Variants in SLC9A9 observed in about 807,000 individuals in gnomAD.
SLC9A9 encodes the protein solute carrier family 9 member A9, also known as sodium/hydrogen exchanger 9.
A neutral mutation model predicts 77.8 loss-of-function variants in SLC9A9; 62 were observed. That is an observed-to-expected ratio of 0.80 (90% confidence interval 0.65 to 0.98). SLC9A9 has a LOEUF of 0.98. Ranked by LOEUF, SLC9A9 falls within the 50% of genes least tolerant of loss-of-function variation. SLC9A9 has a pLI of 0.00. For missense variants in SLC9A9, 775 were observed against 774.9 expected, an observed-to-expected ratio of 1.00 and a Z score of 0.00; for synonymous variants, 320 against 283.5, an observed-to-expected ratio of 1.13 and a Z score of -1.29.
chr3:143,821,239 A>AG (rs1339621889), intron 2 of SLC9A9, among the ~76,000 whole-genome samples: 1 of 152,258 alleles, frequency 6.6e-6, no homozygotes, highest in Non-Finnish European at 1.5e-5. Context: ...TCTTACTCCA[A>AG]GGGGAAATCC....
chr3:143,603,949 A>G (rs1368346086), intron 6 of SLC9A9, among the ~76,000 whole-genome samples: 4 of 152,250 alleles, frequency 2.6e-5, no homozygotes, highest in Non-Finnish European at 4.4e-5. Flanking sequence ...TTGTAAGACT[A>G]TAATCAAGAA....
At chr3:143,669,539 T>C (rs1442861867) in intron 5 of SLC9A9, among the ~76,000 whole-genome samples, 1 of 152,214 alleles carries the variant, frequency 6.6e-6, no homozygotes, top group Non-Finnish European at 1.5e-5. Context: ...AGCATTTATA[T>C]AGTTGGTTGT....
intron 4 of SLC9A9, among the ~76,000 whole-genome samples, chr3:143,721,853 T>G (rs1246531544): frequency 1.3e-5 from 2 of 152,170 alleles, no homozygotes; most frequent in African/African-American, 4.8e-5. Flanking sequence ...TTTAATACAC[T>G]TGTAGTCCAA....
intron 4 of SLC9A9, among the ~76,000 whole-genome samples, chr3:143,705,396 G>A (rs1933943850): frequency 6.6e-6 from 1 of 152,066 alleles, no homozygotes; most frequent in African/African-American, 2.4e-5. Flanking sequence ...TAACATAACA[G>A]GGTGACTACA....
At chr3:143,329,701 T>C (rs2031707566) in intron 14 of SLC9A9, among the ~76,000 whole-genome samples, 2 of 152,186 alleles carry the variant, frequency 1.3e-5, no homozygotes, top group South Asian at 4.1e-4. Context: ...TCTCCCTAGC[T>C]GCTCAGCAGT....
intron 9 of SLC9A9, among the ~76,000 whole-genome samples, chr3:143,536,816 C>G (rs977849787): frequency 2.0e-5 from 3 of 152,202 alleles, no homozygotes; most frequent in African/African-American, 7.2e-5. Flanking sequence ...TTTCTTTTCT[C>G]TTAAATATTT....
intron 13 of SLC9A9, among the ~76,000 whole-genome samples, chr3:143,376,205 T>C (rs2033177604): frequency 6.6e-6 from 1 of 152,152 alleles, no homozygotes; most frequent in Non-Finnish European, 1.5e-5. Flanking sequence ...CTCTAGCCTC[T>C]TGAAATGAGA....
intron 12 of SLC9A9, among the ~76,000 whole-genome samples, chr3:143,403,857 T>G (rs1405457276): frequency 6.6e-6 from 1 of 152,220 alleles, no homozygotes; most frequent in East Asian, 1.9e-4. Context: ...TGTGGATTGA[T>G]TTTTAAAAAT....
intron 4 of SLC9A9, among the ~76,000 whole-genome samples, chr3:143,705,468 AAC>A (rs1313177522): frequency 6.6e-6 from 1 of 152,226 alleles, no homozygotes; most frequent in East Asian, 1.9e-4. Flanking sequence ...GATTATTTGT[AAC>A]ACAAAGAATA....
intron 4 of SLC9A9, among the ~76,000 whole-genome samples, chr3:143,742,262 G>A (rs1226749864): frequency 6.6e-6 from 1 of 152,038 alleles, no homozygotes; most frequent in Non-Finnish European, 1.5e-5. Flanking sequence ...CTGGCTCACT[G>A]GCTTCCCCCA....
intron 8 of SLC9A9, among the ~76,000 whole-genome samples, chr3:143,565,560 T>C (rs190325333): frequency 1.9e-4 from 29 of 152,264 alleles, no homozygotes; most frequent in African/African-American, 5.8e-4. Context: ...TAATGAGTTA[T>C]TATGCGAGAA....
intron 14 of SLC9A9, among the ~76,000 whole-genome samples, chr3:143,360,490 T>C (rs1289605935): frequency 6.6e-6 from 1 of 152,150 alleles, no homozygotes; most frequent in East Asian, 1.9e-4. Context: ...CTTGTGTTGT[T>C]ATATCTCTAG....
chr3:143,620,399 T>A (rs1433234081), intron 6 of SLC9A9: 1 of 152,274 alleles, frequency 6.6e-6, no homozygotes, highest in Non-Finnish European at 1.5e-5. Flanking sequence ...ACTCAAGTGT[T>A]AAAATTTAAA....
intron 12 of SLC9A9, among the ~76,000 whole-genome samples, chr3:143,410,759 T>C (rs1358929885): frequency 1.3e-5 from 2 of 152,212 alleles, no homozygotes; most frequent in African/African-American, 4.8e-5. Context: ...ATTTATCTAA[T>C]ATACTAAAAG....
At chr3:143,363,991 T>C (rs1230838222) in intron 13 of SLC9A9, among the ~76,000 whole-genome samples, 3 of 152,202 alleles carry the variant, frequency 2.0e-5, no homozygotes, top group Non-Finnish European at 4.4e-5. Flanking sequence ...TTTTGTTTGA[T>C]AGATTATTAC....
intron 6 of SLC9A9, among the ~76,000 whole-genome samples, chr3:143,603,656 A>C (rs2037879970): frequency 6.6e-6 from 1 of 152,210 alleles, no homozygotes; most frequent in African/African-American, 2.4e-5. Context: ...CTGCAACCTC[A>C]TGAGAGACCA....
intron 4 of SLC9A9, among the ~76,000 whole-genome samples, chr3:143,750,832 T>G: frequency 6.6e-6 from 1 of 151,612 alleles, no homozygotes; most frequent in Admixed American, 6.6e-5. Context: ...GAAAGAACCT[T>G]TTGAAAAAAT....
rs190822059 is a variant in SLC9A9, at chr3:143,540,515, A to G, written c.1089+11847T>C. The stretch of plus-strand genomic sequence containing the variant: ...TAAGGGGACAGGGAAGAAAAACAGA[A>G]AGCCCAAGGAGAGGAAGAAGAATGG... On this transcript the variant is annotated intron_variant, in intron 9 of 15. Coordinates refer to ENST00000316549, the MANE Select transcript of SLC9A9 (RefSeq NM_173653.4). Among the ~76,000 whole-genome samples the G allele has an allele frequency of 2.6e-5, 4 of 152,308 alleles. No individual in the cohort carries two copies. In the East Asian group the frequency reaches 7.7e-4, roughly 29 times the overall value.
chr3:143,743,252 T>C (rs570291177), intron 4 of SLC9A9, among the ~76,000 whole-genome samples: 131 of 125,712 alleles, frequency 1.0e-3, no homozygotes, highest in Non-Finnish European at 1.9e-3. Context: ...GATAGATAGA[T>C]AGATAGATAG....
Sources: gnomAD v4.1 joint callset for allele counts (sites outside exome capture counted in the v4.1 genomes callset) on GRCh38, gnomAD v4.1.1 for gene constraint, MANE v1.5 for transcripts, NCBI Gene and HGNC (gene_info 2026-07-23, HGNC 2026-07-21) for gene names.